CCDC178: variants seen among roughly 807,000 people sequenced by gnomAD.
CCDC178 encodes the protein coiled-coil domain-containing protein 178.
In CCDC178, 126 loss-of-function variants were observed where a neutral mutation model predicts 117.4. The observed-to-expected ratio is 1.07, with a 90% confidence interval of 0.93 to 1.24. The LOEUF is 1.24. Ranked by LOEUF, CCDC178 falls within the 50% of genes most tolerant of loss-of-function variation. The pLI is 0.00. For synonymous variants in CCDC178, 283 were observed against 313.4 expected (o/e 0.90, Z 1.02); for missense variants, 1,030 against 986.9 (o/e 1.04, Z -0.59).
intron 21 of CCDC178, among the ~76,000 whole-genome samples, chr18:33,056,950 C>CTT (rs5823883): frequency 0.034 from 4,823 of 142,094 alleles, 251 homozygotes; most frequent in African/African-American, 0.11. Context: ...TAAGTTTTTC[C>CTT]TTTTTTTTTT....
At chr18:33,026,292 G>A (rs76602815) in intron 21 of CCDC178, among the ~76,000 whole-genome samples, 5,313 of 152,092 alleles carry the variant, frequency 0.035, 152 homozygotes, top group East Asian at 0.08. Flanking sequence ...TATTTTGGGC[G>A]TATGAATATC....
chr18:33,379,274 G>C (rs1221650402), intron 5 of CCDC178, among the ~76,000 whole-genome samples: 1 of 150,072 alleles, frequency 6.7e-6, no homozygotes, highest in Non-Finnish European at 1.5e-5. Context: ...TGTAGAGAAT[G>C]GTGTGTAGGG....
chr18:33,128,734 G>A (rs1009070843), intron 20 of CCDC178, among the ~76,000 whole-genome samples: 8 of 152,140 alleles, frequency 5.3e-5, no homozygotes, highest in East Asian at 3.8e-4. Context: ...CTCTCTACAC[G>A]GAGAGAAATC....
chr18:33,370,904 A>G (rs2063288074), intron 5 of CCDC178, among the ~76,000 whole-genome samples: 1 of 152,056 alleles, frequency 6.6e-6, no homozygotes. Context: ...ATGAAACTCC[A>G]CCAAAGTGCT....
At chr18:33,371,259 ACT>A (rs940279095) in intron 5 of CCDC178, among the ~76,000 whole-genome samples, 4 of 148,986 alleles carry the variant, frequency 2.7e-5, no homozygotes, top group South Asian at 2.1e-4. Context: ...ACAATGTTCG[ACT>A]CTCTCTCATA....
intron 14 of CCDC178, among the ~76,000 whole-genome samples, chr18:33,257,249 T>C (rs1193413833): frequency 6.6e-6 from 1 of 152,062 alleles, no homozygotes; most frequent in South Asian, 2.1e-4. Context: ...CATCAAACCA[T>C]TGTGAAAAGA....
At chr18:33,263,421 T>C (rs765543455) in intron 14 of CCDC178, among the ~76,000 whole-genome samples, 58 of 152,290 alleles carry the variant, frequency 3.8e-4, no homozygotes, top group Non-Finnish European at 7.5e-4. Context: ...ACATAAATCA[T>C]AGGTCATCCA....
intron 21 of CCDC178, among the ~76,000 whole-genome samples, chr18:32,981,494 TTATA>T (rs2055154150): frequency 6.6e-6 from 1 of 152,206 alleles, no homozygotes; most frequent in Admixed American, 6.5e-5. Context: ...TACTTATAGT[TTATA>T]TATAACTCTG....
At chr18:33,411,968 G>A in intron 3 of CCDC178, 63 bp downstream of exon 3, 1 of 874,968 alleles carries the variant, frequency 1.1e-6, no homozygotes, top group Non-Finnish European at 1.8e-6. Flanking sequence ...TCCTCTGTAA[G>A]TGATGTGAAT....
chr18:33,371,111 A>G (rs557803952), intron 5 of CCDC178, among the ~76,000 whole-genome samples: 2 of 152,030 alleles, frequency 1.3e-5, no homozygotes, highest in Non-Finnish European at 2.9e-5. Flanking sequence ...GAGATGGTAA[A>G]TATTTTTGGT....
At chr18:33,011,237 T>G (rs2055856512) in intron 21 of CCDC178, among the ~76,000 whole-genome samples, 1 of 152,166 alleles carries the variant, frequency 6.6e-6, no homozygotes, top group African/African-American at 2.4e-5. Context: ...GTGGCTCAAA[T>G]GTGGTAAAAC....
intron 17 of CCDC178, among the ~76,000 whole-genome samples, chr18:33,224,220 T>C (rs1037997324): frequency 2.0e-5 from 3 of 152,162 alleles, no homozygotes; most frequent in African/African-American, 4.8e-5. Flanking sequence ...GTATAACTCT[T>C]GCCACACCCT....
intron 11 of CCDC178, among the ~76,000 whole-genome samples, chr18:33,319,757 T>C (rs527449014): frequency 1.3e-5 from 2 of 152,232 alleles, no homozygotes; most frequent in East Asian, 3.8e-4. Context: ...GGTATCTCAT[T>C]GTGGTTTTGA....
intron 22 of CCDC178, among the ~76,000 whole-genome samples, chr18:32,973,277 A>G (rs912699531): frequency 2.0e-5 from 3 of 152,110 alleles, no homozygotes; most frequent in African/African-American, 7.2e-5. Context: ...ACATTTGGAC[A>G]AAAATATAGA....
intron 12 of CCDC178, among the ~76,000 whole-genome samples, chr18:33,282,121 T>C (rs2060033207): frequency 6.6e-6 from 1 of 152,124 alleles, no homozygotes; most frequent in African/African-American, 2.4e-5. Flanking sequence ...GGGGGGCTCA[T>C]TTTTGAACCA....
intron 4 of CCDC178, among the ~76,000 whole-genome samples, chr18:33,393,485 C>T (rs2063590217): frequency 6.6e-6 from 1 of 151,996 alleles, no homozygotes; most frequent in Non-Finnish European, 1.5e-5. Context: ...TTTTCATCAC[C>T]CCTGAAAGTT....
At chr18:32,983,378 T>TTTGGGAG in intron 21 of CCDC178, 1 of 1,404,566 alleles carries the variant, frequency 7.1e-7, no homozygotes. Flanking sequence ...TTACAAATAT[T>TTTGGGAG]ACAAATGAAG....
At chr18:32,952,185 C>T (rs1196964024) in intron 22 of CCDC178, among the ~76,000 whole-genome samples, 1 of 152,248 alleles carries the variant, frequency 6.6e-6, no homozygotes, top group African/African-American at 2.4e-5. Flanking sequence ...TGTCTTCTCA[C>T]AGCTCCACTA....
chr18:33,175,538 T>G (rs1402374948), intron 20 of CCDC178, among the ~76,000 whole-genome samples: 1 of 152,176 alleles, frequency 6.6e-6, no homozygotes, highest in Non-Finnish European at 1.5e-5. Flanking sequence ...CATATATCTC[T>G]GAAGCACCAA....
Sources: gnomAD v4.1 joint callset for allele counts (sites outside exome capture counted in the v4.1 genomes callset) on GRCh38, gnomAD v4.1.1 for gene constraint, MANE v1.5 for transcripts, NCBI Gene and HGNC (gene_info 2026-07-23, HGNC 2026-07-21) for gene names.